UBN1: variants seen among roughly 807,000 people sequenced by gnomAD.
UBN1 encodes ubinuclein-1.
In UBN1, 17 loss-of-function variants were observed where a neutral mutation model predicts 108.5. The observed-to-expected ratio is 0.16, with a 90% CI of 0.11 to 0.24. The LOEUF (loss-of-function observed/expected upper bound fraction) is 0.24, where lower values mean the gene tolerates loss of function less well. UBN1 is among the 10% of genes least tolerant of loss of function. The probability of loss-of-function intolerance (pLI) is 1.00; values close to 1 mark genes in which losing one functional copy is unlikely to be tolerated. For synonymous variants in UBN1, 726 were observed against 564.2 expected (o/e 1.29, Z -4.07); for missense variants, 1,595 against 1,394.4 (o/e 1.14, Z -2.29).
intron 7 of UBN1, among the ~76,000 whole-genome samples, chr16:4,861,556 T>G (rs17771010): frequency 0.035 from 5,261 of 152,344 alleles, 175 homozygotes; most frequent in Admixed American, 0.11. Flanking sequence ...TCCCTTGCGT[T>G]GTGTATCCAG....
rs551303007 is a variant in UBN1, at chr16:4,875,413, G to C, written c.3003G>C (p.Val1001=). ...PSLKPSAVSS[V]TSSTSLSKGA... is the part of the protein sequence containing the mutation. ...TAAAGCCCTCTGCAGTTAGTAGTGT[G>C]ACATCGTCTACCTCCTTGTCAGTGA... Residue 1001 remains valine (V), a synonymous_variant, in exon 15 of 18, where the codon GTG becomes GTC. Transcript: ENST00000262376. 1.2e-6 allele frequency: 2 copies of C among 1,612,376 alleles called. No homozygotes were observed. The highest frequency in any genetic ancestry group is 2.7e-5 in the African/African-American group (2 of 75,020).
At chr16:4,875,942 G>C (rs1329072863) in intron 15 of UBN1, among the ~76,000 whole-genome samples, 1 of 150,908 alleles carries the variant, frequency 6.6e-6, no homozygotes, top group Non-Finnish European at 1.5e-5. Context: ...GAGGGAGTGA[G>C]CATTTTCTTT....
At chr16:4,876,301 A>G (rs1409168197) in intron 15 of UBN1, among the ~76,000 whole-genome samples, 1 of 152,194 alleles carries the variant, frequency 6.6e-6, no homozygotes, top group Admixed American at 6.5e-5. Flanking sequence ...AGACAAAACC[A>G]TAGAAAGGTC....
chr16:4,856,077 T>C (rs2086794270), intron 2 of UBN1, among the ~76,000 whole-genome samples: 1 of 152,248 alleles, frequency 6.6e-6, no homozygotes, highest in South Asian at 2.1e-4. Context: ...AATCCCTTTA[T>C]AATTCCTGTT....
At position 4,877,487 on chromosome 16, in the gene UBN1, C is replaced by CG; in HGVS notation, c.3355+15dup. 1 of 1,606,054 alleles carries CG rather than the reference C, an allele frequency of 6.2e-7. No individual in the cohort carries two copies. Among genetic ancestry groups the CG allele is most frequent in the Non-Finnish European group, 8.5e-7 (1 of 1,177,726 alleles). On this transcript the variant is annotated intron_variant, in intron 17 of 17. Transcript: ENST00000262376. This position sits in a 1 kb window ranked among gnomAD's most constrained non-coding sequence, Gnocchi z 4.3. ...CAGAGTCTGCCAGGTAATCACCCGA[C>CG]GGTCAGTGTGCCACGCGCACCGTGT...
At chr16:4,878,793 C>CT (rs1484163817) in intron 17 of UBN1, among the ~76,000 whole-genome samples, 7 of 152,206 alleles carry the variant, frequency 4.6e-5, no homozygotes, top group African/African-American at 1.7e-4. Flanking sequence ...GGAGGATTGC[C>CT]TGAGTCCAGG....
chr16:4,876,862 C>T lies in UBN1; in HGVS notation c.3025-9C>T. 2.5e-6 allele frequency: 4 copies of T among 1,571,654 alleles called. No homozygotes were observed. The highest frequency in any genetic ancestry group is 3.5e-6 in the Non-Finnish European group (4 of 1,158,570). ...GGAGTTCTTACCGCTTGCTGTGTTTCTTCCCTAGAAAGGAGCGAGTGGGAC... is the reference window on the plus strand; with the variant it reads ...GGAGTTCTTACCGCTTGCTGTGTTTTTTCCCTAGAAAGGAGCGAGTGGGAC... On this transcript the variant is annotated splice_polypyrimidine_tract_variant and intron_variant, in intron 15 of 17. Coordinates refer to ENST00000262376, the MANE Select transcript of UBN1 (RefSeq NM_001079514.3).
chr16:4,865,519 A>G (rs1416755372), intron 7 of UBN1, among the ~76,000 whole-genome samples: 1 of 152,010 alleles, frequency 6.6e-6, no homozygotes, highest in Non-Finnish European at 1.5e-5. Context: ...AAAAATCTAA[A>G]AATTAGTCAG....
chr16:4,853,808 T>TG (rs2086668332), intron 2 of UBN1, among the ~76,000 whole-genome samples: 1 of 152,134 alleles, frequency 6.6e-6, no homozygotes, highest in African/African-American at 2.4e-5. Flanking sequence ...GTGATCTGCC[T>TG]GCCTTGGCTT....
At chr16:4,850,413 C>T (rs1034241531) in intron 1 of UBN1, among the ~76,000 whole-genome samples, 6 of 152,180 alleles carry the variant, frequency 3.9e-5, no homozygotes, top group African/African-American at 1.4e-4. Flanking sequence ...TCAAGGATGA[C>T]CTTCCTGCAT....
intron 2 of UBN1, among the ~76,000 whole-genome samples, 154 bp from the exon 3 acceptor site, chr16:4,857,836 G>A (rs563241014): frequency 6.6e-6 from 1 of 152,266 alleles, no homozygotes; most frequent in Admixed American, 6.5e-5. Context: ...TCTTAATTAA[G>A]ATAAACATTG....
intron 2 of UBN1, among the ~76,000 whole-genome samples, chr16:4,853,787 C>T (rs2086667048): frequency 6.6e-6 from 1 of 152,054 alleles, no homozygotes. Context: ...GTCTCAAACT[C>T]CTGGCCTCAA....
chr16:4,873,814 G>C (rs1404494715), intron 14 of UBN1, among the ~76,000 whole-genome samples: 1 of 152,232 alleles, frequency 6.6e-6, no homozygotes, highest in Non-Finnish European at 1.5e-5. Flanking sequence ...GGGAAAAATA[G>C]CTGCTTTAAG....
At position 4,879,899 on chromosome 16, in the gene UBN1, G is replaced by A. The variant is rs547156741; in HGVS notation, c.3356-184G>A. On this transcript the variant is annotated intron_variant, in intron 17 of 17. Coordinates refer to ENST00000262376, the MANE Select transcript of UBN1 (RefSeq NM_001079514.3). ...CAGTGCTAGTGTGCTTGCAGGCTGT[G>A]GCCAGGAGTAGTGTACACGAATAAC... 5.3e-5 allele frequency among the ~76,000 whole-genome samples: 8 copies of A among 152,272 alleles called. No individual in the cohort carries two copies. The South Asian group carries it at 1.7e-3, about 32-fold the overall frequency.
In UBN1 at chr16:4,881,538, G is replaced by C. The variant is rs928438886; in HGVS notation, c.*1406G>C. On this transcript the variant is annotated 3_prime_UTR_variant, in exon 18 of 18. Transcript: ENST00000262376. ...GGTGTCCTCAGCACATACACCTGTG[G>C]GAAAACGGACCGCTCTTGGCTCCTG... 6.6e-6 allele frequency: 1 copy of C among 152,156 alleles called. No individual in the cohort carries two copies. Among genetic ancestry groups the C allele is most frequent in the African/African-American group, 2.4e-5 (1 of 41,408 alleles). The allele number at this position is 152,156 out of a possible 1,614,324, so 9.4% of individuals were successfully genotyped here.
chr16:4,860,567 CT>C, intron 6 of UBN1, 96 bp from the exon 7 acceptor site: 2 of 1,277,716 alleles, frequency 1.6e-6, no homozygotes, highest in Non-Finnish European at 2.2e-6. Flanking sequence ...ACAGGTTCTC[CT>C]GGAGACCATG....
rs2088066536 is a variant in UBN1 at position 4,881,201 on chromosome 16, C to T, written c.*1069C>T. The T allele has an allele frequency of 6.6e-6, 1 of 152,618 alleles. No homozygotes were observed. The highest frequency in any genetic ancestry group is 1.9e-4 in the East Asian group (1 of 5,200). 9.5% of individuals were successfully genotyped at this position (152,618 alleles called of 1,614,324 possible). Reference sequence around the variant, plus strand: ...ACAGATAGACATTCCAGTTTGTATTCTTAGGAATCATTCTTAGGCAGTGCG... The same window carrying T: ...ACAGATAGACATTCCAGTTTGTATTTTTAGGAATCATTCTTAGGCAGTGCG... On this transcript the variant is annotated 3_prime_UTR_variant, in exon 18 of 18. Transcript: ENST00000262376.
intron 8 of UBN1, 22 bp from the exon 9 acceptor site, chr16:4,870,190 G>A (rs772341515): frequency 8.1e-6 from 13 of 1,613,736 alleles, no homozygotes; most frequent in Non-Finnish European, 1.1e-5. Context: ...GCAGCCGGTG[G>A]TGACTGTGTT....
At position 4,880,200 on chromosome 16, in the gene UBN1, TAC is replaced by T; in HGVS notation, c.*71_*72del. The T allele has an allele frequency of 6.6e-7, 1 of 1,523,070 alleles. No homozygotes were observed. The highest frequency in any genetic ancestry group is 1.1e-5 in the South Asian group (1 of 89,044). The allele number at this position is 1,523,070 out of a possible 1,614,324, so 94.3% of individuals were successfully genotyped here. A position where few individuals can be genotyped will look rare whatever the true frequency, so the allele number is the denominator to read the frequency against. On this transcript the variant is annotated 3_prime_UTR_variant, in exon 18 of 18. Coordinates refer to ENST00000262376, the MANE Select transcript of UBN1 (RefSeq NM_001079514.3). ...CAGAACGTGCAGGTCTCCCAGGATG[TAC>T]ACTCACTGCGCCCTTTCTGCTGCTT... is the stretch of plus-strand genomic sequence containing the variant.
Sources: allele counts gnomAD v4.1 joint callset (sites outside exome capture counted in the v4.1 genomes callset), GRCh38; gene constraint gnomAD v4.1.1; non-coding constraint Gnocchi (gnomAD v3.1); transcripts MANE v1.5; gene names NCBI Gene and HGNC (gene_info 2026-07-23, HGNC 2026-07-21).